The following TRDN variants were observed in gnomAD, a reference collection of about 807,000 sequenced individuals.
The protein encoded by TRDN is triadin in skeletal muscle.
A neutral mutation model predicts 149.7 loss-of-function variants in TRDN; 161 were observed. The ratio of observed to expected loss-of-function variants is 1.08; its 90% confidence interval spans 0.95 to 1.23. The LOEUF is 1.23. TRDN is among the 50% of genes most tolerant of loss of function. TRDN has a pLI of 0.00. For missense variants in TRDN, 896 were observed against 823.5 expected (o/e 1.09, Z -1.08); for synonymous variants, 294 against 250.5 (o/e 1.17, Z -1.64).
At chr6:123,433,182 T>C (rs12210019) in intron 12 of TRDN, among the ~76,000 whole-genome samples, 23,827 of 143,118 alleles carry the variant, frequency 0.17, 3,151 homozygotes, top group African/African-American at 0.36. Flanking sequence ...TATATATATA[T>C]ACATCACACA....
intron 14 of TRDN, among the ~76,000 whole-genome samples, chr6:123,383,085 G>C (rs190373452): frequency 2.0e-5 from 3 of 152,118 alleles, no homozygotes; most frequent in Admixed American, 2.0e-4. Context: ...TTGGAACCTA[G>C]AACAGTAGAC....
chr6:123,580,424 G>A (rs1030524511), intron 1 of TRDN, among the ~76,000 whole-genome samples: 3 of 152,168 alleles, frequency 2.0e-5, no homozygotes, highest in Admixed American at 6.5e-5. Flanking sequence ...CCTTGAGAAA[G>A]ATGGGACTGT....
At chr6:123,349,017 CAA>C (rs1780356946) in intron 21 of TRDN, among the ~76,000 whole-genome samples, 1 of 151,962 alleles carries the variant, frequency 6.6e-6, no homozygotes, top group Non-Finnish European at 1.5e-5. Flanking sequence ...TTAATGTTAA[CAA>C]TATGAACTTC....
intron 24 of TRDN, among the ~76,000 whole-genome samples, chr6:123,281,615 C>G (rs1051353338): frequency 1.3e-5 from 2 of 151,928 alleles, no homozygotes; most frequent in Admixed American, 6.6e-5. Context: ...ACCAAAAAAC[C>G]CTAAAATACA....
At chr6:123,587,684 T>C (rs1193088175) in intron 1 of TRDN, among the ~76,000 whole-genome samples, 2 of 151,076 alleles carry the variant, frequency 1.3e-5, no homozygotes, top group African/African-American at 4.9e-5. Flanking sequence ...TGGGTGCAGG[T>C]GGGCTGAGTC....
At chr6:123,287,021 C>A (rs1314204280) in intron 24 of TRDN, among the ~76,000 whole-genome samples, 4 of 152,106 alleles carry the variant, frequency 2.6e-5, no homozygotes, top group Non-Finnish European at 4.4e-5. Context: ...ATAAAATCAT[C>A]ATTCACCACA....
intron 16 of TRDN, among the ~76,000 whole-genome samples, chr6:123,380,719 T>G (rs112690210): frequency 8.1e-5 from 7 of 86,722 alleles, no homozygotes; most frequent in Admixed American, 1.4e-4. Context: ...CAAGGGTTTT[T>G]TTTTTTTTTG....
intron 15 of TRDN, 21 bp downstream of exon 15, chr6:123,382,097 A>T: frequency 6.8e-7 from 1 of 1,472,606 alleles, no homozygotes; most frequent in Non-Finnish European, 9.0e-7. Flanking sequence ...TAAGGCAGAA[A>T]AAAAGAAATA....
At chr6:123,630,426 A>G (rs1298994978) in intron 1 of TRDN, among the ~76,000 whole-genome samples, 5 of 151,986 alleles carry the variant, frequency 3.3e-5, no homozygotes, top group African/African-American at 9.6e-5. Flanking sequence ...TGTTTCTCTC[A>G]TATTAAATAT....
Position 123,274,642 on chromosome 6 carries a change from TG to T in TRDN, c.1595del (p.Pro532GlnfsTer14). On this transcript the variant is annotated frameshift_variant and splice_region_variant, in exon 27 of 41. Transcript: ENST00000334268. LOFTEE classifies it high-confidence loss of function. ...TATATAAAATAAAGCTCATGTTACC[TG>T]GTTTTGCTTCTTTTTTAATTTGGGG... Reference protein sequence around the residue: ...PEPQIKKEAKPAISEKVQIHK... With the variant: ...PEPQIKKEAKXAISEKVQIHK... 6.2e-7 allele frequency: 1 copy of T among 1,608,072 alleles called. No homozygotes were observed. The highest frequency in any genetic ancestry group is 8.5e-7 in the Non-Finnish European group (1 of 1,176,758).
At chr6:123,570,613 C>T (rs946780408) in intron 2 of TRDN, among the ~76,000 whole-genome samples, 2 of 152,090 alleles carry the variant, frequency 1.3e-5, no homozygotes, top group Non-Finnish European at 2.9e-5. Flanking sequence ...GATAAAGTAC[C>T]AGTTCCAAAC....
chr6:123,235,969 G>A (rs1775772816), intron 38 of TRDN, among the ~76,000 whole-genome samples: 1 of 152,120 alleles, frequency 6.6e-6, no homozygotes, highest in Admixed American at 6.6e-5. Flanking sequence ...CAGATTTGGC[G>A]ATTGTGAATA....
At chr6:123,258,334 T>G (rs1776636093) in intron 35 of TRDN, among the ~76,000 whole-genome samples, 1 of 152,204 alleles carries the variant, frequency 6.6e-6, no homozygotes, top group Non-Finnish European at 1.5e-5. Context: ...ATTGAGTGTT[T>G]TTAGCATGAA....
chr6:123,237,280 C>T (rs773523557), intron 38 of TRDN, among the ~76,000 whole-genome samples: 12 of 151,906 alleles, frequency 7.9e-5, no homozygotes, highest in Non-Finnish European at 1.8e-4. Context: ...GATGGAGTCT[C>T]GCTCTGTCGC....
intron 1 of TRDN, among the ~76,000 whole-genome samples, chr6:123,574,416 A>G (rs1041912658): frequency 1.3e-5 from 2 of 151,940 alleles, no homozygotes; most frequent in Admixed American, 6.6e-5. Context: ...CTCATTGATT[A>G]TTGTGCCAAA....
Position 123,582,916 on chromosome 6 carries a change from T to A in TRDN, c.23-11784A>T, listed in dbSNP as rs192967427. On this transcript the variant is annotated intron_variant, in intron 1 of 40. Transcript: ENST00000334268. ...GAGATTAAGCTGAAGGAAGATTTTG[T>A]GGTAAGGGGTGATATTGTGGGGTTG... 3.0e-4 allele frequency among the ~76,000 whole-genome samples: 46 copies of A among 151,916 alleles called. 1 individual carries two copies. In the East Asian group the frequency reaches 3.5e-3, roughly 11 times the overall value.
chr6:123,589,262 G>C (rs995107240), intron 1 of TRDN, among the ~76,000 whole-genome samples: 12 of 152,116 alleles, frequency 7.9e-5, no homozygotes, highest in Admixed American at 1.3e-4. Context: ...AATATCATTT[G>C]AATAAGATAA....
intron 24 of TRDN, among the ~76,000 whole-genome samples, chr6:123,308,145 G>A (rs2114683351): frequency 6.6e-6 from 1 of 152,098 alleles, no homozygotes; most frequent in African/African-American, 2.4e-5. Context: ...GATTCACTTA[G>A]GATAACGACT....
At chr6:123,255,995 T>C (rs1198358007) in intron 35 of TRDN, 93 bp from the exon 36 acceptor site, 1 of 696,312 alleles carries the variant, frequency 1.4e-6, no homozygotes, top group Non-Finnish European at 2.0e-6. Context: ...AACATGCAGG[T>C]TTGTTACATA....
Sources: allele counts gnomAD v4.1 joint callset (sites outside exome capture counted in the v4.1 genomes callset), GRCh38; gene constraint gnomAD v4.1.1; transcripts MANE v1.5; gene names NCBI Gene and HGNC (gene_info 2026-07-23, HGNC 2026-07-21).